Variants in HIVEP3 observed in about 807,000 individuals in gnomAD.
The protein encoded by HIVEP3 is HIVEP zinc finger 3, also known as transcription factor HIVEP3.
A neutral mutation model predicts 152.8 loss-of-function variants in HIVEP3; 49 were observed. That is an observed-to-expected ratio of 0.32 (90% CI 0.26 to 0.41). HIVEP3 has a LOEUF of 0.41. Among genes scored for constraint, HIVEP3 ranks in the 10% least tolerant of loss-of-function variants. HIVEP3 has a pLI of 1.00. For synonymous variants in HIVEP3, 1,269 were observed against 1,289.0 expected (o/e 0.98, Z 0.33); for missense variants, 2,790 against 3,103.3 (o/e 0.90, Z 2.40).
chr1:41,940,080 C>G (rs1408951), intron 1 of HIVEP3, among the ~76,000 whole-genome samples: 22,447 of 152,044 alleles, frequency 0.15, 1,772 homozygotes, highest in Admixed American at 0.24. Context: ...TAAAAGATAC[C>G]TCACATTAAT....
intron 5 of HIVEP3, among the ~76,000 whole-genome samples, chr1:41,569,251 C>T (rs1468510803): frequency 6.6e-6 from 1 of 152,180 alleles, no homozygotes; most frequent in Non-Finnish European, 1.5e-5. Context: ...TCTTTGACCA[C>T]TTAAAAGACT....
intron 1 of HIVEP3, among the ~76,000 whole-genome samples, chr1:42,027,889 AT>A (rs763505354): frequency 1.3e-5 from 2 of 152,110 alleles, no homozygotes; most frequent in Non-Finnish European, 2.9e-5. Flanking sequence ...CCATGATTCG[AT>A]TACCTCCCCC....
At chr1:41,622,020 G>C (rs1645054171) in intron 3 of HIVEP3, among the ~76,000 whole-genome samples, 1 of 152,206 alleles carries the variant, frequency 6.6e-6, no homozygotes, top group Non-Finnish European at 1.5e-5. Context: ...GCTGGCTTTT[G>C]ACTGGCTCAT....
intron 5 of HIVEP3, among the ~76,000 whole-genome samples, chr1:41,573,563 C>T (rs558196376): frequency 2.0e-4 from 31 of 152,286 alleles, no homozygotes; most frequent in African/African-American, 7.5e-4. Flanking sequence ...TCTGACAGAA[C>T]AGATGGGACT....
rs761316271 is a variant in HIVEP3, at chr1:41,581,938, G to A, written c.2860C>T (p.His954Tyr). 1.6e-5 allele frequency: 26 copies of A among 1,614,180 alleles called. No homozygotes were observed. The East Asian group carries it at 5.6e-4, about 35-fold the overall frequency. The change falls in exon 4 of 9, where the codon CAT (histidine) becomes TAT (tyrosine). Residue 954 changes from histidine (H) to tyrosine (Y), a missense_variant. By Grantham distance (83) the His-to-Tyr change is moderately conservative. Around this residue, in one of 9 missense-constraint regions of HIVEP3, gnomAD observed 1,078 missense variants for 1,165.3 expected, o/e 0.93. Transcript: ENST00000372583. The surrounding 1 kb of genome is among the most constrained non-coding windows in gnomAD (Gnocchi z 4.5). ...SRSASFERDD[H>Y]GKAEAPSPSS... ...GGACTGGGGGCCTCGGCTTTCCCAT[G>A]GTCATCCCTCTCAAACGAGGCTGAG...
intron 5 of HIVEP3, among the ~76,000 whole-genome samples, chr1:41,549,120 G>C (rs936291070): frequency 6.6e-6 from 1 of 151,606 alleles, no homozygotes; most frequent in Admixed American, 6.6e-5. Flanking sequence ...GAGAACATGC[G>C]GTATTTCGTT....
At chr1:41,515,163 G>A (rs937077565) in intron 7 of HIVEP3, among the ~76,000 whole-genome samples, 7 of 152,236 alleles carry the variant, frequency 4.6e-5, no homozygotes, top group African/African-American at 1.7e-4. Flanking sequence ...CACCTGACCA[G>A]GAGGGCTGGC....
intron 1 of HIVEP3, among the ~76,000 whole-genome samples, chr1:41,821,630 A>G (rs1642605917): frequency 6.6e-6 from 1 of 151,888 alleles, no homozygotes; most frequent in South Asian, 2.1e-4. Context: ...TCTTCAAAAT[A>G]CTCACCCAGA....
chr1:41,838,860 C>A (rs188113200), intron 1 of HIVEP3, among the ~76,000 whole-genome samples: 1 of 152,024 alleles, frequency 6.6e-6, no homozygotes. Context: ...AGTCAGTCTG[C>A]GAAACAACAA....
At chr1:41,691,242 C>T (rs1646193332) in intron 2 of HIVEP3, among the ~76,000 whole-genome samples, 1 of 152,140 alleles carries the variant, frequency 6.6e-6, no homozygotes, top group African/African-American at 2.4e-5. Flanking sequence ...ACAAGTTTTC[C>T]TTCTAAATTG....
At chr1:41,917,981 C>G (rs1310725259) in intron 1 of HIVEP3, among the ~76,000 whole-genome samples, 1 of 152,238 alleles carries the variant, frequency 6.6e-6, no homozygotes, top group African/African-American at 2.4e-5. Flanking sequence ...GCCGGTGCCA[C>G]GGAACGCGAT....
intron 1 of HIVEP3, among the ~76,000 whole-genome samples, chr1:41,883,764 G>A (rs1470260982): frequency 1.3e-5 from 2 of 152,100 alleles, no homozygotes; most frequent in African/African-American, 4.8e-5. Flanking sequence ...CAACTTTGCT[G>A]CCAGCTTCTC....
At chr1:41,843,901 C>A (rs191055509) in intron 1 of HIVEP3, among the ~76,000 whole-genome samples, 2 of 151,244 alleles carry the variant, frequency 1.3e-5, no homozygotes, top group Admixed American at 6.6e-5. Flanking sequence ...TGCTATCCCT[C>A]CCCCCTCCGT....
chr1:42,006,884 C>T (rs1434276117), intron 1 of HIVEP3, among the ~76,000 whole-genome samples: 3 of 152,152 alleles, frequency 2.0e-5, no homozygotes, highest in African/African-American at 7.2e-5. Context: ...CAAATGTTAT[C>T]GACTTATTTC....
At chr1:41,639,291 G>C (rs961909662) in intron 2 of HIVEP3, among the ~76,000 whole-genome samples, 2 of 152,172 alleles carry the variant, frequency 1.3e-5, no homozygotes, top group African/African-American at 2.4e-5. Context: ...GGAAGAGAGA[G>C]AATTACTGGC....
rs138807391 is a variant in HIVEP3, at chr1:41,696,342, C to G, written c.-721+4574G>C. Reference sequence around the variant, plus strand: ...GCGCAGCCTGCTGGGCCACGAACATCAACAGCAGCCCCTTCCTGGTGGGAG... The same window carrying G: ...GCGCAGCCTGCTGGGCCACGAACATGAACAGCAGCCCCTTCCTGGTGGGAG... On this transcript the variant is annotated intron_variant, in intron 2 of 8. Transcript: ENST00000372583. Among the ~76,000 whole-genome samples the G allele has an allele frequency of 2.7e-3, 417 of 152,386 alleles. 2 individuals are homozygous for G. Among genetic ancestry groups the G allele is most frequent in the African/African-American group, 9.5e-3 (394 of 41,588 alleles).
chr1:42,025,661 C>T (rs190994164), intron 1 of HIVEP3, among the ~76,000 whole-genome samples: 1 of 152,228 alleles, frequency 6.6e-6, no homozygotes, highest in Non-Finnish European at 1.5e-5. Flanking sequence ...TGCCAGGTAT[C>T]TGGGAGTGGG....
intron 1 of HIVEP3, among the ~76,000 whole-genome samples, chr1:41,885,764 A>C (rs6662136): frequency 0.88 from 126,322 of 144,336 alleles, 55,136 homozygotes; most frequent in East Asian, 1. Context: ...CTTCCCTTCC[A>C]TTCCCTTCCT....
chr1:41,826,388 G>A (rs576448164), intron 1 of HIVEP3, among the ~76,000 whole-genome samples: 11 of 152,278 alleles, frequency 7.2e-5, no homozygotes, highest in African/African-American at 2.4e-4. Flanking sequence ...TGCTTGCATG[G>A]GTGTGAGATG....
Sources: gnomAD v4.1 joint callset for allele counts (sites outside exome capture counted in the v4.1 genomes callset) on GRCh38, gnomAD v4.1.1 for gene constraint, gnomAD v4.1.1 regional missense constraint, Gnocchi (gnomAD v3.1) non-coding constraint, MANE v1.5 for transcripts, NCBI Gene and HGNC (gene_info 2026-07-23, HGNC 2026-07-21) for gene names.